The following DCT variants were observed in gnomAD, a reference collection of about 807,000 sequenced individuals.
DCT encodes the protein dopachrome tautomerase.
A neutral mutation model predicts 53.0 loss-of-function variants in DCT; 47 were observed. The observed-to-expected ratio is 0.89, with a 90% confidence interval of 0.70 to 1.13. The LOEUF is 1.13. Among genes scored for constraint, DCT ranks in the 50% most tolerant of loss-of-function variants. The probability of loss-of-function intolerance (pLI) is 0.00; values close to 1 mark genes in which losing one functional copy is unlikely to be tolerated. For missense variants in DCT, 669 were observed against 637.4 expected, an observed-to-expected ratio of 1.05 and a Z score of -0.53; for synonymous variants, 244 against 237.0, an observed-to-expected ratio of 1.03 and a Z score of -0.27.
the DCT span, among the ~76,000 whole-genome samples, chr13:94,500,232 C>T: frequency 7.2e-5 from 11 of 152,192 alleles, no homozygotes; most frequent in African/African-American, 1.9e-4. Flanking sequence ...AAGACATAGC[C>T]GAGACTGGGT....
At chr13:94,454,107 C>CCTG in intron 6 of DCT, among the ~76,000 whole-genome samples, 1 of 152,254 alleles carries the variant, frequency 6.6e-6, no homozygotes, top group South Asian at 2.1e-4. Context: ...TTCATTTTCT[C>CCTG]CTGCTGCACA....
intron 6 of DCT, among the ~76,000 whole-genome samples, chr13:94,458,738 G>C (rs986805775): frequency 1.3e-5 from 2 of 152,038 alleles, no homozygotes; most frequent in African/African-American, 4.8e-5. Flanking sequence ...GGAGGCAGAG[G>C]TTGCAGTGAG....
chr13:94,457,958 C>T (rs61962249), intron 6 of DCT, among the ~76,000 whole-genome samples: 23,378 of 152,062 alleles, frequency 0.15, 2,042 homozygotes, highest in Non-Finnish European at 0.2. Context: ...TAAACGATTT[C>T]GTAGAACATC....
In DCT at chr13:94,465,832, C is replaced by A; in HGVS notation, c.697-33G>T. On this transcript the variant is annotated intron_variant, in intron 3 of 7. Coordinates refer to ENST00000377028, the MANE Select transcript of DCT (RefSeq NM_001922.5). ...CAAAGGGCAGGCCTAGTCATTTAATCCATGCCATCAGATACAACAAGAAAG... is the reference window on the plus strand; with the variant it reads ...CAAAGGGCAGGCCTAGTCATTTAATACATGCCATCAGATACAACAAGAAAG... 3.1e-6 allele frequency: 5 copies of A among 1,588,214 alleles called. No homozygotes were observed. The Admixed American group carries it at 8.6e-5, about 27-fold the overall frequency.
chr13:94,532,913 A>T, the DCT span, among the ~76,000 whole-genome samples: 9 of 152,252 alleles, frequency 5.9e-5, no homozygotes, highest in Non-Finnish European at 1.2e-4. Flanking sequence ...AACACGAAAG[A>T]ATCCTAAAAG....
the DCT span, among the ~76,000 whole-genome samples, chr13:94,513,706 G>A: frequency 7.2e-5 from 11 of 152,118 alleles, no homozygotes; most frequent in South Asian, 1.2e-3. Context: ...GATAGATACC[G>A]CTGGGCACGG....
the DCT span, among the ~76,000 whole-genome samples, chr13:94,530,767 A>C: frequency 0.023 from 3,561 of 152,330 alleles, 155 homozygotes; most frequent in African/African-American, 0.082. Context: ...ATTATTCAAC[A>C]GAGTGTTGGA....
chr13:94,513,336 C>T, the DCT span, among the ~76,000 whole-genome samples: 1 of 152,172 alleles, frequency 6.6e-6, no homozygotes, highest in Non-Finnish European at 1.5e-5. Context: ...ATAAATTACT[C>T]TCTCCACTCA....
the DCT span, among the ~76,000 whole-genome samples, chr13:94,520,666 C>G: frequency 3.3e-5 from 5 of 152,060 alleles, no homozygotes; most frequent in Non-Finnish European, 7.4e-5. Context: ...AATACAGAGG[C>G]TTTAAGTGGT....
At chr13:94,468,698 C>T in intron 2 of DCT, 48 bp downstream of exon 2, 2 of 1,538,114 alleles carry the variant, frequency 1.3e-6, no homozygotes, top group South Asian at 1.2e-5. Flanking sequence ...ACCCTCAACC[C>T]AATCACAAAC....
chr13:94,441,180 G>A (rs1328493204), intron 7 of DCT, among the ~76,000 whole-genome samples: 3 of 152,000 alleles, frequency 2.0e-5, no homozygotes, highest in African/African-American at 4.8e-5. Flanking sequence ...CCTCCAAGAG[G>A]GTTTTGATCT....
the DCT span, among the ~76,000 whole-genome samples, chr13:94,485,875 G>A: frequency 4.6e-5 from 7 of 152,182 alleles, no homozygotes; most frequent in African/African-American, 1.7e-4. Flanking sequence ...TCTATACGTT[G>A]TGAAGTGCTC....
Position 94,468,596 on chromosome 13 carries a change from G to T in DCT, c.595+150C>A, listed in dbSNP as rs979147320. 7.1e-6 allele frequency: 5 copies of T among 703,702 alleles called. No individual in the cohort carries two copies. In the African/African-American group the frequency reaches 8.9e-5, roughly 13 times the overall value. The allele number at this position is 703,702 out of a possible 1,614,324, so 43.6% of individuals were successfully genotyped here. A position where few individuals can be genotyped will look rare whatever the true frequency, so the allele number is the denominator to read the frequency against. On this transcript the variant is annotated intron_variant, in intron 2 of 7. Transcript: ENST00000377028. Reference sequence around the variant, plus strand: ...AAACTGCTTCCTTCTAACTCCAGGCGGTATTTGATAATTCTACGACTTTCA... The same window carrying T: ...AAACTGCTTCCTTCTAACTCCAGGCTGTATTTGATAATTCTACGACTTTCA...
the DCT span, among the ~76,000 whole-genome samples, chr13:94,534,413 T>C: frequency 6.6e-6 from 1 of 152,246 alleles, no homozygotes; most frequent in Admixed American, 6.5e-5. Context: ...TTGTATTAAG[T>C]TTTGCCAAGG....
At chr13:94,525,633 T>C in the DCT span, among the ~76,000 whole-genome samples, 6 of 152,304 alleles carry the variant, frequency 3.9e-5, no homozygotes, top group South Asian at 1.2e-3. Flanking sequence ...GATTGTGTCA[T>C]ATTAAACGCA....
the DCT span, among the ~76,000 whole-genome samples, chr13:94,531,736 G>A: frequency 6.6e-6 from 1 of 152,158 alleles, no homozygotes; most frequent in African/African-American, 2.4e-5. Context: ...CATGGGCAAA[G>A]ACTTCATGAC....
intron 1 of DCT, among the ~76,000 whole-genome samples, chr13:94,476,087 G>A (rs1281876721): frequency 6.6e-6 from 1 of 151,902 alleles, no homozygotes; most frequent in African/African-American, 2.4e-5. Context: ...TCTTTGGACT[G>A]GCTTATGTAC....
Position 94,443,569 on chromosome 13 carries a change from G to A in DCT, c.1248C>T (p.Ala416=). The A allele has an allele frequency of 6.2e-7, 1 of 1,613,968 alleles. No individual in the cohort carries two copies. The highest frequency in any genetic ancestry group is 8.5e-7 in the Non-Finnish European group (1 of 1,179,872). Residue 416 remains alanine, a synonymous_variant, in exon 7 of 8, where the codon GCC becomes GCT. Coordinates refer to ENST00000377028, the MANE Select transcript of DCT (RefSeq NM_001922.5). ...CAATAGGGGCCAGCTCCTGAGGCCA[G>A]GCATCTGCAGGAGGATTAAATCTTT... The part of the protein sequence containing the change: ...WMKRFNPPAD[A]WPQELAPIGH...
chr13:94,439,879 TAGGTA>T lies in DCT; in HGVS notation c.*14_*18del, dbSNP rs760766772. The T allele has an allele frequency of 2.2e-5, 35 of 1,594,944 alleles. No individual in the cohort carries two copies. The South Asian group carries it at 2.6e-4, about 12-fold the overall frequency. The stretch of plus-strand genomic sequence containing the variant: ...CTGTGGCTTGGCCAGCCTCTTCTCT[TAGGTA>T]AGGCATGAGCACCCTAGGCTTCTTC... On this transcript the variant is annotated 3_prime_UTR_variant, in exon 8 of 8. Transcript: ENST00000377028.
Sources: gnomAD v4.1 joint callset for allele counts (sites outside exome capture counted in the v4.1 genomes callset) on GRCh38, gnomAD v4.1.1 for gene constraint, MANE v1.5 for transcripts, NCBI Gene and HGNC (gene_info 2026-07-23, HGNC 2026-07-21) for gene names.